Variants in ANTXR2 observed in about 807,000 individuals in gnomAD.
The protein encoded by ANTXR2 is ANTXR cell adhesion molecule 2, also known as anthrax toxin receptor 2.
A neutral mutation model predicts 73.7 loss-of-function variants in ANTXR2; 44 were observed. That is an observed-to-expected ratio of 0.60 (90% CI 0.47 to 0.77). The LOEUF is 0.77. Among genes scored for constraint, ANTXR2 ranks in the 30% least tolerant of loss-of-function variants. The pLI is 0.00. For missense variants in ANTXR2, 604 were observed against 592.5 expected (o/e 1.02, Z -0.20); for synonymous variants, 217 against 205.9 (o/e 1.05, Z -0.46).
chr4:79,973,154 C>G (rs1279698991), intron 16 of ANTXR2, among the ~76,000 whole-genome samples: 1 of 152,038 alleles, frequency 6.6e-6, no homozygotes, highest in Non-Finnish European at 1.5e-5. Flanking sequence ...AGATAGCACT[C>G]TAGAGATGGT....
chr4:80,048,519 C>A (rs935739802), intron 7 of ANTXR2, among the ~76,000 whole-genome samples: 3 of 151,588 alleles, frequency 2.0e-5, no homozygotes, highest in African/African-American at 7.3e-5. Flanking sequence ...ATGAATGTAT[C>A]TTTACAGTTG....
chr4:80,026,322 C>A (rs1669571995), intron 10 of ANTXR2, among the ~76,000 whole-genome samples: 1 of 152,070 alleles, frequency 6.6e-6, no homozygotes, highest in Admixed American at 6.6e-5. Context: ...TTTGCTCCCC[C>A]TTAGCCTTCT....
chr4:80,018,524 T>A (rs918715490), intron 11 of ANTXR2, among the ~76,000 whole-genome samples: 3 of 152,190 alleles, frequency 2.0e-5, no homozygotes, highest in Non-Finnish European at 4.4e-5. Flanking sequence ...TTTCAAACCA[T>A]GATAAATGTT....
chr4:80,041,081 T>A (rs1209351506), intron 7 of ANTXR2, among the ~76,000 whole-genome samples: 1 of 152,116 alleles, frequency 6.6e-6, no homozygotes, highest in Non-Finnish European at 1.5e-5. Flanking sequence ...TGAATTTTTT[T>A]CAGCTAATCC....
At chr4:79,979,621 T>G (rs1389270767) in intron 14 of ANTXR2, among the ~76,000 whole-genome samples, 1 of 152,306 alleles carries the variant, frequency 6.6e-6, no homozygotes, top group African/African-American at 2.4e-5. Flanking sequence ...TTCAGTGTGA[T>G]CAATGATACT....
chr4:79,995,815 T>A (rs1331810747), intron 12 of ANTXR2, among the ~76,000 whole-genome samples: 2 of 152,022 alleles, frequency 1.3e-5, no homozygotes, highest in African/African-American at 4.8e-5. Flanking sequence ...ACATTGTTAA[T>A]AATGAAAACG....
At chr4:79,993,627 TCA>T (rs1730578531) in intron 12 of ANTXR2, among the ~76,000 whole-genome samples, 1 of 151,864 alleles carries the variant, frequency 6.6e-6, no homozygotes, top group South Asian at 2.1e-4. Flanking sequence ...ACAAAGCAAT[TCA>T]GTCCATTGGC....
chr4:79,992,499 AT>A (rs1278885435), intron 12 of ANTXR2, among the ~76,000 whole-genome samples: 8 of 151,860 alleles, frequency 5.3e-5, no homozygotes, highest in African/African-American at 1.7e-4. Context: ...ATTCAATTTT[AT>A]TTTTTTAATA....
chr4:79,934,542 CAAAAA>C (rs755634385), intron 16 of ANTXR2, among the ~76,000 whole-genome samples: 2 of 138,264 alleles, frequency 1.4e-5, no homozygotes, highest in African/African-American at 6.1e-5. Context: ...ACAACAACAA[CAAAAA>C]AAAAAAAACA....
intron 16 of ANTXR2, among the ~76,000 whole-genome samples, chr4:79,973,040 A>C (rs1481170897): frequency 6.6e-6 from 1 of 152,196 alleles, no homozygotes; most frequent in African/African-American, 2.4e-5. Flanking sequence ...AAACAAAGTG[A>C]AAGCATAGTG....
At position 80,051,463 on chromosome 4, in the gene ANTXR2, A is replaced by G. The variant is rs1481916359; in HGVS notation, c.636+2809T>C. Among the ~76,000 whole-genome samples the G allele has an allele frequency of 2.6e-5, 4 of 151,746 alleles. No homozygotes were observed. In the East Asian group the frequency reaches 5.8e-4, roughly 22 times the overall value. ...AAGAATGAGCTCATTGAGGAAAAAAAGGAGAAAAAGAAGAAATGTTTCCTT... is the reference window on the plus strand; with the variant it reads ...AAGAATGAGCTCATTGAGGAAAAAAGGGAGAAAAAGAAGAAATGTTTCCTT... On this transcript the variant is annotated intron_variant, in intron 7 of 16. Coordinates refer to ENST00000403729, the MANE Select transcript of ANTXR2 (RefSeq NM_058172.6).
chr4:79,920,965 C>A (rs1371723529), intron 16 of ANTXR2, among the ~76,000 whole-genome samples: 1 of 151,978 alleles, frequency 6.6e-6, no homozygotes, highest in African/African-American at 2.4e-5. Flanking sequence ...CAAACAAAAT[C>A]TATATTTGAA....
chr4:79,993,344 A>C (rs1206875354), intron 12 of ANTXR2, among the ~76,000 whole-genome samples: 2 of 151,756 alleles, frequency 1.3e-5, no homozygotes, highest in Non-Finnish European at 2.9e-5. Flanking sequence ...GAGAGGAAGA[A>C]ACAAATTGAG....
At chr4:79,953,693 A>C (rs1186625187) in intron 16 of ANTXR2, among the ~76,000 whole-genome samples, 1 of 151,960 alleles carries the variant, frequency 6.6e-6, no homozygotes, top group Non-Finnish European at 1.5e-5. Flanking sequence ...CACTAATTAT[A>C]TTTCTTTTTT....
At chr4:80,001,800 G>T (rs1293959446) in intron 12 of ANTXR2, among the ~76,000 whole-genome samples, 3 of 151,392 alleles carry the variant, frequency 2.0e-5, no homozygotes, top group African/African-American at 7.3e-5. Flanking sequence ...TTACCGTTAT[G>T]TAATGGCCTT....
intron 14 of ANTXR2, among the ~76,000 whole-genome samples, chr4:79,981,797 C>G (rs1422240922): frequency 1.3e-5 from 2 of 152,124 alleles, no homozygotes; most frequent in African/African-American, 2.4e-5. Context: ...ATACTCCATG[C>G]AAGGTAGCCA....
chr4:80,072,811 C>G lies in ANTXR2; in HGVS notation c.-251G>C. On this transcript the variant is annotated 5_prime_UTR_variant, in exon 1 of 17. Coordinates refer to ENST00000403729, the MANE Select transcript of ANTXR2 (RefSeq NM_058172.6). Reference sequence around the variant, plus strand: ...CTCTTGACGAATCCCAGTGGAAGCGCGATCCAGTCCTCCCCCTCCCGATTC... The same window carrying G: ...CTCTTGACGAATCCCAGTGGAAGCGGGATCCAGTCCTCCCCCTCCCGATTC... The G allele has an allele frequency of 1.1e-6, 1 of 920,360 alleles. No homozygotes were observed. The highest frequency in any genetic ancestry group is 1.4e-6 in the Non-Finnish European group (1 of 694,298). The allele number at this position is 920,360 out of a possible 1,614,324, so 57.0% of individuals were successfully genotyped here.
intron 7 of ANTXR2, among the ~76,000 whole-genome samples, chr4:80,043,620 A>T (rs1411020286): frequency 6.6e-6 from 1 of 151,998 alleles, no homozygotes; most frequent in African/African-American, 2.4e-5. Context: ...AACACTGCTA[A>T]CTAATTTCAT....
chr4:79,904,968 C>T lies in ANTXR2; in HGVS notation c.*2461G>A. ...GCTAGTTAGTATAATTGGAGAAAAGCATAAAACAGATCTGGTTCATATCTT... is the reference window on the plus strand; with the variant it reads ...GCTAGTTAGTATAATTGGAGAAAAGTATAAAACAGATCTGGTTCATATCTT... On this transcript the variant is annotated 3_prime_UTR_variant, in exon 17 of 17. Transcript: ENST00000403729. The T allele has an allele frequency of 6.6e-6, 1 of 152,024 alleles. No homozygotes were observed. Among genetic ancestry groups the T allele is most frequent in the Middle Eastern group, 3.2e-3 (1 of 316 alleles). The allele number at this position is 152,024 out of a possible 1,614,324, so 9.4% of individuals were successfully genotyped here.
Sources: allele counts gnomAD v4.1 joint callset (sites outside exome capture counted in the v4.1 genomes callset), GRCh38; gene constraint gnomAD v4.1.1; transcripts MANE v1.5; gene names NCBI Gene and HGNC (gene_info 2026-07-23, HGNC 2026-07-21).